PDE10A: variants seen among roughly 807,000 people sequenced by gnomAD.
PDE10A encodes phosphodiesterase 10A.
Under a neutral mutation model 97.7 loss-of-function variants are expected in PDE10A, and 39 were observed. That is an observed-to-expected ratio of 0.40 (90% CI 0.31 to 0.52). The LOEUF (loss-of-function observed/expected upper bound fraction) is 0.52, where lower values mean the gene tolerates loss of function less well. Ranked by LOEUF, PDE10A falls within the 20% of genes least tolerant of loss-of-function variation. The pLI is 0.56. For synonymous variants in PDE10A, 371 were observed against 376.8 expected (o/e 0.98, Z 0.18); for missense variants, 731 against 1,047.8 (o/e 0.70, Z 4.17).
At chr6:165,788,536 AAAAG>A (rs1210174310) in intron 1 of PDE10A, among the ~76,000 whole-genome samples, 11 of 147,478 alleles carry the variant, frequency 7.5e-5, no homozygotes, top group East Asian at 4.0e-4. Flanking sequence ...AAAAAAAAAA[AAAAG>A]AAAAGAAAAG....
intron 1 of PDE10A, among the ~76,000 whole-genome samples, chr6:165,882,347 C>A (rs1781505406): frequency 1.3e-5 from 2 of 152,186 alleles, no homozygotes; most frequent in African/African-American, 2.4e-5. Context: ...TCTAGCACAT[C>A]ATAGCATGAT....
intron 1 of PDE10A, among the ~76,000 whole-genome samples, chr6:165,923,197 A>G (rs1407303789): frequency 2.6e-5 from 4 of 152,366 alleles, no homozygotes; most frequent in East Asian, 1.9e-4. Context: ...GTCTTTTTAC[A>G]TGGTTAGACA....
chr6:165,755,286 T>A (rs920235599), intron 1 of PDE10A, among the ~76,000 whole-genome samples: 1 of 152,238 alleles, frequency 6.6e-6, no homozygotes, highest in African/African-American at 2.4e-5. Flanking sequence ...TATTATTTCA[T>A]GCTAATAGTT....
chr6:165,951,342 A>G (rs548898487), intron 1 of PDE10A, among the ~76,000 whole-genome samples: 6 of 152,222 alleles, frequency 3.9e-5, no homozygotes, highest in African/African-American at 1.4e-4. Context: ...TAGAACTTCA[A>G]TTCAGGTTGA....
intron 1 of PDE10A, among the ~76,000 whole-genome samples, chr6:165,977,186 T>C (rs1224252060): frequency 2.6e-5 from 4 of 152,178 alleles, no homozygotes; most frequent in African/African-American, 9.7e-5. Flanking sequence ...TATGCCACAT[T>C]GATGCAGAAA....
intron 1 of PDE10A, among the ~76,000 whole-genome samples, chr6:165,921,098 T>A (rs926385327): frequency 6.6e-6 from 1 of 152,226 alleles, no homozygotes; most frequent in Non-Finnish European, 1.5e-5. Flanking sequence ...GCCTACTGAC[T>A]TTCAGATCTA....
intron 1 of PDE10A, among the ~76,000 whole-genome samples, chr6:165,640,765 A>C (rs990303477): frequency 6.6e-6 from 1 of 152,266 alleles, no homozygotes; most frequent in African/African-American, 2.4e-5. Context: ...TGTAAACAGT[A>C]GTTTATAAAT....
chr6:165,855,319 G>T lies in PDE10A; in HGVS notation c.-615+132210C>A, dbSNP rs988134224. On this transcript the variant is annotated intron_variant, in intron 1 of 19. Coordinates refer to the PDE10A transcript ENST00000366882. ...GCGGGAAGTGGCGGGGGGGGGGGGG[G>T]ACTCAGGGGCGCTGCCTCCTGTGGA... Among the ~76,000 whole-genome samples, 183 of 92,460 alleles carry T rather than the reference G, an allele frequency of 2.0e-3. 1 individual carries two copies. The highest frequency in any genetic ancestry group is 6.6e-3 in the African/African-American group (162 of 24,648). 60.7% of individuals were successfully genotyped at this position (92,460 alleles called of 152,430 possible). A position where few individuals can be genotyped will look rare whatever the true frequency, so the allele number is the denominator to read the frequency against.
intron 1 of PDE10A, among the ~76,000 whole-genome samples, chr6:165,745,592 T>A (rs1792825624): frequency 6.6e-6 from 1 of 152,226 alleles, no homozygotes; most frequent in African/African-American, 2.4e-5. Flanking sequence ...TCATTAAATG[T>A]TTTATTTATA....
intron 1 of PDE10A, among the ~76,000 whole-genome samples, chr6:165,564,041 A>G (rs978607029): frequency 2.0e-5 from 3 of 152,196 alleles, no homozygotes; most frequent in Non-Finnish European, 4.4e-5. Flanking sequence ...ATTATTTGTG[A>G]TTTCAACAAA....
intron 1 of PDE10A, among the ~76,000 whole-genome samples, chr6:165,902,574 G>A (rs562636685): frequency 6.6e-4 from 101 of 152,162 alleles, no homozygotes; most frequent in Admixed American, 1.2e-3. Flanking sequence ...TCAAAGAATA[G>A]TTATCTGTGG....
chr6:165,537,791 A>G (rs934496249), intron 2 of PDE10A, among the ~76,000 whole-genome samples: 3 of 139,250 alleles, frequency 2.2e-5, no homozygotes, highest in African/African-American at 8.1e-5. Flanking sequence ...TAAATAAAAT[A>G]TATGAAAATT....
In PDE10A at chr6:165,345,516, T is replaced by G. The variant is rs552245455; in HGVS notation, c.2784-2014A>C. 2.4e-3 allele frequency among the ~76,000 whole-genome samples: 358 copies of G among 152,334 alleles called. 2 individuals carry two copies. The highest frequency in any genetic ancestry group is 8.3e-3 in the African/African-American group (345 of 41,574). On this transcript the variant is annotated intron_variant, in intron 18 of 21. Coordinates refer to ENST00000539869, the MANE Select transcript of PDE10A (RefSeq NM_001385079.1). Reference sequence around the variant, plus strand: ...ATTTTATTTCTATCCATGAATGGAATGTAGAACTGACTGCTAACTGAGGTA... The same window carrying G: ...ATTTTATTTCTATCCATGAATGGAAGGTAGAACTGACTGCTAACTGAGGTA...
chr6:165,387,315 T>G (rs970827216), intron 17 of PDE10A, among the ~76,000 whole-genome samples: 12 of 152,188 alleles, frequency 7.9e-5, no homozygotes, highest in Non-Finnish European at 1.5e-5. Context: ...CCTGAGGACA[T>G]GAGACCTGGA....
At chr6:165,439,012 C>T (rs1459362073) in intron 5 of PDE10A, among the ~76,000 whole-genome samples, 1 of 148,430 alleles carries the variant, frequency 6.7e-6, no homozygotes, top group Non-Finnish European at 1.5e-5. Context: ...GAAGTATCTA[C>T]ATGAAGGCAT....
At chr6:165,700,187 G>T (rs1333414524) in intron 1 of PDE10A, among the ~76,000 whole-genome samples, 2 of 152,106 alleles carry the variant, frequency 1.3e-5, no homozygotes, top group Non-Finnish European at 2.9e-5. Context: ...CTCAGTGAAA[G>T]AAACCAGTCA....
intron 3 of PDE10A, among the ~76,000 whole-genome samples, chr6:165,463,774 C>A (rs766616284): frequency 1.3e-5 from 2 of 152,222 alleles, no homozygotes; most frequent in African/African-American, 4.8e-5. Flanking sequence ...AAAGCCCACA[C>A]TGGGAGGTTG....
chr6:165,946,277 A>G (rs1203706588), intron 1 of PDE10A, among the ~76,000 whole-genome samples: 1 of 152,178 alleles, frequency 6.6e-6, no homozygotes, highest in Non-Finnish European at 1.5e-5. Flanking sequence ...CGGGTGGATC[A>G]CGAGGTCAGG....
chr6:165,356,052 A>G lies in PDE10A; in HGVS notation c.2784-12550T>C, dbSNP rs532669273. ...ATATGGCTGCAGGAGAGAGAGAGCA[A>G]GCAAAGTGGGAGGTGCCACACACTT... is the stretch of plus-strand genomic sequence containing the variant. On this transcript the variant is annotated intron_variant, in intron 18 of 21. Transcript: ENST00000539869. 2.6e-5 allele frequency among the ~76,000 whole-genome samples: 4 copies of G among 152,250 alleles called. No homozygotes were observed. The South Asian group carries it at 8.3e-4, about 32-fold the overall frequency.
Sources: allele counts gnomAD v4.1 joint callset (sites outside exome capture counted in the v4.1 genomes callset), GRCh38; gene constraint gnomAD v4.1.1; transcripts MANE v1.5; gene names NCBI Gene and HGNC (gene_info 2026-07-23, HGNC 2026-07-21).